CHSY3: variants seen among roughly 807,000 people sequenced by gnomAD.
The protein encoded by CHSY3 is N-acetylgalactosaminyl-proteoglycan 3-beta-glucuronosyltransferase 3.
In CHSY3, 35 loss-of-function variants were observed where a neutral mutation model predicts 67.2. The observed-to-expected ratio is 0.52, with a 90% CI of 0.40 to 0.69. The LOEUF (loss-of-function observed/expected upper bound fraction) is 0.69. Among genes scored for constraint, CHSY3 ranks in the 30% least tolerant of loss-of-function variants. The pLI is 0.00. For synonymous variants in CHSY3, 474 were observed against 434.7 expected (o/e 1.09, Z -1.12); for missense variants, 1,069 against 1,138.5 (o/e 0.94, Z 0.88).
chr5:129,926,864 AACTTC>A lies in CHSY3; in HGVS notation c.1086+18505_1086+18509del, dbSNP rs1561458231. 2.1e-4 allele frequency among the ~76,000 whole-genome samples: 32 copies of A among 152,050 alleles called. No homozygotes were observed. In the South Asian group the frequency reaches 6.4e-3, roughly 30 times the overall value. On this transcript the variant is annotated intron_variant, in intron 2 of 2. Coordinates refer to ENST00000305031, the MANE Select transcript of CHSY3 (RefSeq NM_175856.5). ...ATAATATTTATATATTCAATTCACTAACTTCTGCATGTCGATTGTCTAACACCTGG... is the reference window on the plus strand; with the variant it reads ...ATAATATTTATATATTCAATTCACTATGCATGTCGATTGTCTAACACCTGG...
At chr5:129,962,722 T>C (rs536510574) in intron 2 of CHSY3, among the ~76,000 whole-genome samples, 3 of 152,008 alleles carry the variant, frequency 2.0e-5, no homozygotes, top group Non-Finnish European at 4.4e-5. Context: ...TCCTCTTTGA[T>C]GGTGACATCA....
chr5:129,969,268 A>G (rs1762564617), intron 2 of CHSY3, among the ~76,000 whole-genome samples: 1 of 151,830 alleles, frequency 6.6e-6, no homozygotes, highest in African/African-American at 2.4e-5. Context: ...TTGGTATAAG[A>G]TTGAGACCAC....
chr5:130,143,810 G>GTGTGTATATA (rs1469625551), intron 2 of CHSY3, among the ~76,000 whole-genome samples: 2 of 56,490 alleles, frequency 3.5e-5, no homozygotes, highest in Non-Finnish European at 6.2e-5. Flanking sequence ...ATATATGTGT[G>GTGTGTATATA]TATATATATA....
chr5:129,966,170 A>G (rs773207968), intron 2 of CHSY3, among the ~76,000 whole-genome samples: 9 of 151,914 alleles, frequency 5.9e-5, no homozygotes, highest in Non-Finnish European at 1.2e-4. Flanking sequence ...ATGTCAAGGA[A>G]TGTTTGTGTA....
chr5:130,162,714 A>T (rs1002873515), intron 2 of CHSY3, among the ~76,000 whole-genome samples: 7 of 151,960 alleles, frequency 4.6e-5, no homozygotes, highest in Non-Finnish European at 8.8e-5. Flanking sequence ...TCTTTTTTTT[A>T]AAAATGTTAT....
chr5:129,939,200 G>A (rs987444196), intron 2 of CHSY3, among the ~76,000 whole-genome samples: 2 of 152,148 alleles, frequency 1.3e-5, no homozygotes, highest in African/African-American at 4.8e-5. Context: ...CAGATTTTAT[G>A]AGAACTCTAT....
chr5:129,941,288 A>G (rs139692821), intron 2 of CHSY3, among the ~76,000 whole-genome samples: 40 of 152,306 alleles, frequency 2.6e-4, no homozygotes, highest in African/African-American at 8.7e-4. Context: ...CCCCATCATA[A>G]GTCAAGGAAC....
intron 2 of CHSY3, among the ~76,000 whole-genome samples, chr5:130,177,392 C>T (rs1288428890): frequency 6.6e-6 from 1 of 151,910 alleles, no homozygotes; most frequent in African/African-American, 2.4e-5. Context: ...ACCATGTTTT[C>T]TGTTTCCTGA....
chr5:130,066,900 G>T (rs1055407310), intron 2 of CHSY3, among the ~76,000 whole-genome samples: 2 of 152,106 alleles, frequency 1.3e-5, no homozygotes, highest in Non-Finnish European at 2.9e-5. Flanking sequence ...TTTATCTCAT[G>T]CCTGGGCTAC....
intron 2 of CHSY3, among the ~76,000 whole-genome samples, chr5:130,072,657 T>C (rs1766114725): frequency 2.0e-5 from 3 of 152,118 alleles, no homozygotes; most frequent in Non-Finnish European, 2.9e-5. Flanking sequence ...CATTTGTGGT[T>C]CCATGCAAAC....
chr5:130,156,312 C>A (rs970994220), intron 2 of CHSY3, among the ~76,000 whole-genome samples: 4 of 152,082 alleles, frequency 2.6e-5, no homozygotes, highest in Non-Finnish European at 5.9e-5. Flanking sequence ...ATTTGGTTTC[C>A]CCCATTTTGT....
chr5:130,027,364 T>TTA (rs1238367356), intron 2 of CHSY3, among the ~76,000 whole-genome samples: 1 of 152,044 alleles, frequency 6.6e-6, no homozygotes, highest in Non-Finnish European at 1.5e-5. Flanking sequence ...CTGTGAACAT[T>TTA]TATGTCACCT....
intron 2 of CHSY3, among the ~76,000 whole-genome samples, chr5:130,041,950 A>T (rs1442478852): frequency 6.6e-6 from 1 of 152,130 alleles, no homozygotes; most frequent in Non-Finnish European, 1.5e-5. Context: ...TTTGGAATTT[A>T]AAAATCAGCC....
intron 2 of CHSY3, among the ~76,000 whole-genome samples, chr5:130,015,294 G>A (rs954873290): frequency 8.5e-5 from 13 of 152,244 alleles, no homozygotes; most frequent in African/African-American, 3.1e-4. Context: ...GGAACTGTGA[G>A]TGAATTAAAC....
intron 2 of CHSY3, among the ~76,000 whole-genome samples, chr5:129,958,602 A>T (rs1762245160): frequency 6.6e-6 from 1 of 152,130 alleles, no homozygotes; most frequent in Non-Finnish European, 1.5e-5. Context: ...GTGATCACAG[A>T]TCACTGAAGT....
At chr5:130,110,294 A>AAGCTC (rs1767551473) in intron 2 of CHSY3, among the ~76,000 whole-genome samples, 1 of 151,904 alleles carries the variant, frequency 6.6e-6, no homozygotes, top group Non-Finnish European at 1.5e-5. Context: ...TTTAGTCAAA[A>AAGCTC]TTTCAACCAT....
At chr5:129,943,420 A>G (rs144873365) in intron 2 of CHSY3, among the ~76,000 whole-genome samples, 2,139 of 152,296 alleles carry the variant, frequency 0.014, 33 homozygotes, top group African/African-American at 0.032. Flanking sequence ...TAATGCTAAA[A>G]TTTTCGTCAG....
At chr5:130,084,539 T>C (rs757267494) in intron 2 of CHSY3, among the ~76,000 whole-genome samples, 7 of 151,616 alleles carry the variant, frequency 4.6e-5, no homozygotes, top group Non-Finnish European at 1.0e-4. Context: ...TACAGCTTGG[T>C]TTTATACATT....
At chr5:130,134,349 A>G (rs953330579) in intron 2 of CHSY3, among the ~76,000 whole-genome samples, 4 of 152,232 alleles carry the variant, frequency 2.6e-5, no homozygotes, top group Non-Finnish European at 5.9e-5. Flanking sequence ...ACATCAAAAT[A>G]TATTATAAAA....
Sources: gnomAD v4.1 joint callset for allele counts (sites outside exome capture counted in the v4.1 genomes callset) on GRCh38, gnomAD v4.1.1 for gene constraint, MANE v1.5 for transcripts, NCBI Gene and HGNC (gene_info 2026-07-23, HGNC 2026-07-21) for gene names.